Variants in CCDC126 observed in about 807,000 individuals in gnomAD.
The protein encoded by CCDC126 is coiled-coil domain-containing protein 126.
In CCDC126, 5 loss-of-function variants were observed where a neutral mutation model predicts 11.7. That is an observed-to-expected ratio of 0.43 (90% CI 0.22 to 0.90). The LOEUF is 0.90. Ranked by LOEUF, CCDC126 falls within the 40% of genes least tolerant of loss-of-function variation. CCDC126 has a pLI of 0.27. For synonymous variants in CCDC126, 60 were observed against 61.9 expected (o/e 0.97, Z 0.14); for missense variants, 150 against 163.1 (o/e 0.92, Z 0.44).
At chr7:23,609,699 T>C (rs1428413085) in intron 2 of CCDC126, among the ~76,000 whole-genome samples, 1 of 151,734 alleles carries the variant, frequency 6.6e-6, no homozygotes, top group Non-Finnish European at 1.5e-5. Flanking sequence ...AAAGCCCTTC[T>C]CTACAAAAAA....
intron 3 of CCDC126, among the ~76,000 whole-genome samples, chr7:23,624,273 C>T (rs1383202493): frequency 6.6e-6 from 1 of 152,128 alleles, no homozygotes; most frequent in Non-Finnish European, 1.5e-5. Flanking sequence ...GTTCACTTCA[C>T]CATCTTTACC....
At chr7:23,597,740 G>A (rs1258340609) in intron 1 of CCDC126, 135 bp downstream of exon 1, 1 of 152,200 alleles carries the variant, frequency 6.6e-6, no homozygotes, top group Admixed American at 6.5e-5. Context: ...CGGAAACCCG[G>A]CTTAGGAACG....
intron 3 of CCDC126, chr7:23,619,271 T>C (rs1076412): frequency 0.037 from 7,936 of 212,806 alleles, 221 homozygotes; most frequent in South Asian, 0.051. Context: ...CAAATCACCA[T>C]GGCGCAGGTT....
chr7:23,629,614 C>A lies in CCDC126; in HGVS notation c.239-13317C>A, dbSNP rs1783072780. Among the ~76,000 whole-genome samples the A allele has an allele frequency of 4.0e-5, 6 of 151,646 alleles. No individual in the cohort carries two copies. The South Asian group carries it at 1.3e-3, about 32-fold the overall frequency. On this transcript the variant is annotated intron_variant, in intron 3 of 3. Coordinates refer to ENST00000307471, the MANE Select transcript of CCDC126 (RefSeq NM_138771.4). ...CTTCAAAAAAAAAAATAGAAAGTCT[C>A]AGGAGAAAAATAGATCATATGAACA...
At chr7:23,622,660 A>G in intron 3 of CCDC126, 2 of 534,440 alleles carry the variant, frequency 3.7e-6, no homozygotes, top group Admixed American at 1.9e-5. Context: ...GTACACACAA[A>G]GGAACCTATG....
chr7:23,613,174 G>T (rs1470697636), intron 3 of CCDC126, among the ~76,000 whole-genome samples: 1 of 152,090 alleles, frequency 6.6e-6, no homozygotes, highest in East Asian at 1.9e-4. Context: ...AGTGGGGCGT[G>T]GTGGCGCGCA....
rs905636934 is a variant in CCDC126, at chr7:23,644,390, G to T, written c.*1275G>T. On this transcript the variant is annotated 3_prime_UTR_variant, in exon 4 of 4. Coordinates refer to ENST00000307471, the MANE Select transcript of CCDC126 (RefSeq NM_138771.4). ...ATAGTATTTATTCTCTATAGTAACT[G>T]CTTAAGTGCAGCTAGCTTCTAGATT... The T allele has an allele frequency of 1.3e-4, 20 of 152,338 alleles. No individual in the cohort carries two copies. The highest frequency in any genetic ancestry group is 6.6e-4 in the Admixed American group (10 of 15,258). 9.4% of individuals were successfully genotyped at this position (152,338 alleles called of 1,614,324 possible). A position where few individuals can be genotyped will look rare whatever the true frequency, so the allele number is the denominator to read the frequency against.
At chr7:23,603,486 G>A (rs1782574268) in intron 2 of CCDC126, among the ~76,000 whole-genome samples, 1 of 152,164 alleles carries the variant, frequency 6.6e-6, no homozygotes, top group South Asian at 2.1e-4. Context: ...AGTAAGGAAG[G>A]TAGTGTGGTG....
chr7:23,638,726 T>C (rs201316991), intron 3 of CCDC126, among the ~76,000 whole-genome samples: 1 of 39,214 alleles, frequency 2.6e-5, no homozygotes, highest in Non-Finnish European at 4.7e-5. Context: ...AAAAAAAAAA[T>C]TAAAAAAAAA....
intron 3 of CCDC126, among the ~76,000 whole-genome samples, chr7:23,641,584 G>T (rs1783356929): frequency 6.6e-6 from 1 of 152,150 alleles, no homozygotes; most frequent in Admixed American, 6.5e-5. Flanking sequence ...TTTATCAGTT[G>T]TTAGATGATT....
rs879446240 is a variant in CCDC126 at position 23,643,402 on chromosome 7, T to C, written c.*287T>C. 1 of 270,848 alleles carries C rather than the reference T, an allele frequency of 3.7e-6. No individual in the cohort carries two copies. Among genetic ancestry groups the C allele is most frequent in the Non-Finnish European group, 6.9e-6 (1 of 145,982 alleles). 16.8% of individuals were successfully genotyped at this position (270,848 alleles called of 1,614,324 possible). ...AGGTGAGTTTTGTATAAATCTTTTG[T>C]GTTTGAGATCAAGCTGAAATGAAAA... On this transcript the variant is annotated 3_prime_UTR_variant, in exon 4 of 4. Transcript: ENST00000307471.
intron 3 of CCDC126, among the ~76,000 whole-genome samples, chr7:23,639,328 A>T (rs1933848677): frequency 6.6e-6 from 1 of 151,828 alleles, no homozygotes; most frequent in African/African-American, 2.4e-5. Context: ...AGTAGCTGGG[A>T]CTACAGACAT....
intron 3 of CCDC126, chr7:23,622,698 C>T: frequency 1.9e-6 from 1 of 530,294 alleles, no homozygotes; most frequent in Non-Finnish European, 3.8e-6. Context: ...CAGAGAGTAG[C>T]TCAGCATAAA....
intron 3 of CCDC126, chr7:23,619,318 G>T (rs772265823): frequency 1.0e-5 from 3 of 295,504 alleles, no homozygotes; most frequent in Admixed American, 3.9e-5. Context: ...GAAGAAACAG[G>T]AGTGTGGCGT....
At chr7:23,638,971 T>C (rs992477423) in intron 3 of CCDC126, among the ~76,000 whole-genome samples, 3 of 151,388 alleles carry the variant, frequency 2.0e-5, no homozygotes, top group Non-Finnish European at 4.4e-5. Context: ...CCAGTATTTA[T>C]GATTTAGTCT....
At chr7:23,599,488 GTA>G (rs750828190) in intron 2 of CCDC126, among the ~76,000 whole-genome samples, 24 of 151,646 alleles carry the variant, frequency 1.6e-4, no homozygotes, top group Non-Finnish European at 2.9e-4. Context: ...CTATGTATAT[GTA>G]TATATATAGG....
At chr7:23,607,475 T>C (rs2128014988) in intron 2 of CCDC126, among the ~76,000 whole-genome samples, 2 of 152,358 alleles carry the variant, frequency 1.3e-5, no homozygotes, top group East Asian at 3.9e-4. Context: ...ATCTTTCCTT[T>C]CCTTTTTTTT....
chr7:23,600,135 C>T (rs1782510788), intron 2 of CCDC126, among the ~76,000 whole-genome samples: 1 of 152,088 alleles, frequency 6.6e-6, no homozygotes, highest in South Asian at 2.1e-4. Context: ...TTTCTTTTTG[C>T]CTTAACATTT....
intron 3 of CCDC126, 104 bp from the exon 4 acceptor site, chr7:23,642,827 C>A: frequency 2.2e-6 from 2 of 894,926 alleles, no homozygotes; most frequent in East Asian, 2.5e-5. Flanking sequence ...AGTACATTTT[C>A]CCTCAGATGA....
Sources: allele counts gnomAD v4.1 joint callset (sites outside exome capture counted in the v4.1 genomes callset), GRCh38; gene constraint gnomAD v4.1.1; transcripts MANE v1.5; gene names NCBI Gene and HGNC (gene_info 2026-07-23, HGNC 2026-07-21).